SLX4IP: variants seen among roughly 807,000 people sequenced by gnomAD.
SLX4IP encodes the protein SLX4 interacting protein, also known as protein SLX4IP.
Under a neutral mutation model 32.9 loss-of-function variants are expected in SLX4IP, and 34 were observed. The observed-to-expected ratio is 1.03, with a 90% CI of 0.79 to 1.38. SLX4IP has a LOEUF of 1.38. Among genes scored for constraint, SLX4IP ranks in the 40% most tolerant of loss-of-function variants. SLX4IP has a pLI of 0.00. For missense variants in SLX4IP, 444 were observed against 479.0 expected, an observed-to-expected ratio of 0.93 and a Z score of 0.68; for synonymous variants, 172 against 171.7, an observed-to-expected ratio of 1.00 and a Z score of -0.01.
intron 1 of SLX4IP, among the ~76,000 whole-genome samples, chr20:10,443,271 A>G (rs182793478): frequency 4.5e-4 from 69 of 152,362 alleles, no homozygotes; most frequent in Middle Eastern, 3.4e-3. Flanking sequence ...AGTAACATCA[A>G]TGGACCCAAG....
At chr20:10,608,557 C>G (rs554094764) in intron 6 of SLX4IP, among the ~76,000 whole-genome samples, 2 of 151,410 alleles carry the variant, frequency 1.3e-5, no homozygotes, top group South Asian at 4.2e-4. Context: ...GCCTGTAGTC[C>G]CAGCTACTCA....
chr20:10,523,165 G>A (rs983579974), intron 2 of SLX4IP, among the ~76,000 whole-genome samples: 7 of 152,152 alleles, frequency 4.6e-5, no homozygotes, highest in East Asian at 1.9e-4. Flanking sequence ...AGCAGGTGGG[G>A]ACTATCTCTC....
chr20:10,616,560 T>C (rs149532452), intron 6 of SLX4IP, among the ~76,000 whole-genome samples: 169 of 152,020 alleles, frequency 1.1e-3, no homozygotes, highest in African/African-American at 4.0e-3. Context: ...CACACACCCC[T>C]CTTTCCTGCT....
intron 2 of SLX4IP, among the ~76,000 whole-genome samples, chr20:10,508,278 A>G (rs1233309387): frequency 6.6e-6 from 1 of 152,228 alleles, no homozygotes; most frequent in Non-Finnish European, 1.5e-5. Context: ...CACAATGCCA[A>G]TGCGGGCAGA....
intron 6 of SLX4IP, chr20:10,614,052 G>T (rs2066998674): frequency 6.6e-7 from 1 of 1,510,986 alleles, no homozygotes; most frequent in East Asian, 2.3e-5. Context: ...GAAGCAGCGG[G>T]TGGCGTCCTC....
At chr20:10,564,227 C>G (rs1568743163) in intron 4 of SLX4IP, among the ~76,000 whole-genome samples, 1 of 152,182 alleles carries the variant, frequency 6.6e-6, no homozygotes, top group Non-Finnish European at 1.5e-5. Context: ...AAACATCTCT[C>G]TATACATTTA....
At chr20:10,612,954 G>A in intron 6 of SLX4IP, 1 of 171,336 alleles carries the variant, frequency 5.8e-6, no homozygotes. Context: ...ACAAAACCTG[G>A]CTGAGTAAAA....
intron 6 of SLX4IP, among the ~76,000 whole-genome samples, chr20:10,616,920 G>A (rs2067041185): frequency 6.6e-6 from 1 of 152,178 alleles, no homozygotes; most frequent in Non-Finnish European, 1.5e-5. Flanking sequence ...AGCATTGCCA[G>A]GTACAGAGGT....
In SLX4IP at chr20:10,608,386, C is replaced by G. The variant is rs933058214; in HGVS notation, c.405+6567C>G. Among the ~76,000 whole-genome samples, 44 of 152,104 alleles carry G rather than the reference C, an allele frequency of 2.9e-4. 2 individuals carry two copies. Among genetic ancestry groups the G allele is most frequent in the Admixed American group, 2.6e-3 (40 of 15,272 alleles). Reference sequence around the variant, plus strand: ...ATGAATATTAAAATGTCATAGAAGGCCAGGCGCGGTGGCTCATGCCTGTAA... The same window carrying G: ...ATGAATATTAAAATGTCATAGAAGGGCAGGCGCGGTGGCTCATGCCTGTAA... On this transcript the variant is annotated intron_variant, in intron 6 of 7. Coordinates refer to ENST00000334534, the MANE Select transcript of SLX4IP (RefSeq NM_001009608.3).
intron 2 of SLX4IP, among the ~76,000 whole-genome samples, chr20:10,523,731 G>T (rs538269400): frequency 3.9e-4 from 59 of 152,352 alleles, no homozygotes; most frequent in African/African-American, 1.3e-3. Flanking sequence ...AGAACTGTCT[G>T]CTGGAGGAGG....
chr20:10,507,872 G>A (rs1244423764), intron 2 of SLX4IP, among the ~76,000 whole-genome samples: 1 of 150,380 alleles, frequency 6.6e-6, no homozygotes, highest in African/African-American at 2.4e-5. Flanking sequence ...ATACTTAAAA[G>A]GCATACAAGG....
chr20:10,535,941 A>G (rs901562850), intron 2 of SLX4IP, among the ~76,000 whole-genome samples: 1 of 152,148 alleles, frequency 6.6e-6, no homozygotes, highest in Non-Finnish European at 1.5e-5. Flanking sequence ...AAGCCTGAAG[A>G]CCCTGAGCTA....
intron 6 of SLX4IP, 65 bp from the exon 7 acceptor site, chr20:10,621,249 T>A: frequency 7.2e-7 from 1 of 1,396,282 alleles, no homozygotes; most frequent in Non-Finnish European, 1.0e-6. Flanking sequence ...ATTCAGAGTG[T>A]AACTGTTTTC....
At chr20:10,566,412 C>T (rs1224733596) in intron 4 of SLX4IP, among the ~76,000 whole-genome samples, 1 of 148,502 alleles carries the variant, frequency 6.7e-6, no homozygotes, top group Non-Finnish European at 1.5e-5. Flanking sequence ...GAAACAGTCA[C>T]ATGGTACTTT....
At chr20:10,510,507 C>T (rs1359341721) in intron 2 of SLX4IP, among the ~76,000 whole-genome samples, 1 of 152,156 alleles carries the variant, frequency 6.6e-6, no homozygotes, top group African/African-American at 2.4e-5. Context: ...CTGTCCAGCT[C>T]TACTAAAGAT....
intron 2 of SLX4IP, among the ~76,000 whole-genome samples, chr20:10,486,112 T>C (rs920808470): frequency 3.3e-5 from 5 of 152,008 alleles, no homozygotes; most frequent in Admixed American, 2.0e-4. Context: ...TTCAAGAGGG[T>C]TTGTTTATTT....
intron 2 of SLX4IP, among the ~76,000 whole-genome samples, chr20:10,534,734 A>G (rs1600973537): frequency 6.6e-6 from 1 of 152,144 alleles, no homozygotes; most frequent in East Asian, 1.9e-4. Flanking sequence ...CACAGGGGAC[A>G]GTGGGTTGGC....
intron 2 of SLX4IP, among the ~76,000 whole-genome samples, chr20:10,478,494 T>C (rs2065493074): frequency 6.6e-6 from 1 of 152,232 alleles, no homozygotes; most frequent in Admixed American, 6.5e-5. Context: ...ATCGAAACTC[T>C]AGCTACAAGC....
At chr20:10,467,323 G>T (rs1271621263) in intron 2 of SLX4IP, among the ~76,000 whole-genome samples, 1 of 152,182 alleles carries the variant, frequency 6.6e-6, no homozygotes, top group Non-Finnish European at 1.5e-5. Flanking sequence ...GAATAAAACT[G>T]AAGTGCCTAA....
Sources: allele counts gnomAD v4.1 joint callset (sites outside exome capture counted in the v4.1 genomes callset), GRCh38; gene constraint gnomAD v4.1.1; transcripts MANE v1.5; gene names NCBI Gene and HGNC (gene_info 2026-07-23, HGNC 2026-07-21).